BABAM2: variants seen among roughly 807,000 people sequenced by gnomAD.
BABAM2 encodes the protein BRISC and BRCA1 A complex member 2.
A neutral mutation model predicts 54.7 loss-of-function variants in BABAM2; 31 were observed. The ratio of observed to expected loss-of-function variants is 0.57; its 90% confidence interval spans 0.43 to 0.77. The LOEUF (loss-of-function observed/expected upper bound fraction) is 0.77, where lower values mean the gene tolerates loss of function less well. BABAM2 is among the 30% of genes least tolerant of loss of function. The probability of loss-of-function intolerance (pLI) is 0.00; values close to 1 mark genes in which losing one functional copy is unlikely to be tolerated. For missense variants in BABAM2, 364 were observed against 455.8 expected (o/e 0.80, Z 1.83); for synonymous variants, 167 against 162.9 (o/e 1.03, Z -0.19).
chr2:27,897,959 G>A (rs1211143774), intron 2 of BABAM2, among the ~76,000 whole-genome samples: 1 of 152,156 alleles, frequency 6.6e-6, no homozygotes, highest in Non-Finnish European at 1.5e-5. Context: ...GTAGAGTGAT[G>A]TACTTCCTTT....
intron 11 of BABAM2, among the ~76,000 whole-genome samples, chr2:28,313,166 C>T (rs1463499316): frequency 6.6e-6 from 1 of 152,166 alleles, no homozygotes; most frequent in East Asian, 1.9e-4. Context: ...TGGGGAAAAC[C>T]CAGGGTGTTT....
chr2:28,288,074 G>A (rs1424203999), intron 10 of BABAM2, among the ~76,000 whole-genome samples: 3 of 152,166 alleles, frequency 2.0e-5, no homozygotes, highest in Non-Finnish European at 4.4e-5. Flanking sequence ...CTGCTTGGGA[G>A]CACAGGTTGG....
intron 6 of BABAM2, among the ~76,000 whole-genome samples, chr2:28,120,717 A>G (rs948515362): frequency 2.6e-5 from 4 of 152,210 alleles, no homozygotes; most frequent in African/African-American, 7.2e-5. Flanking sequence ...TTCACAATCT[A>G]TTTGGAATAT....
rs963607601 is a variant in BABAM2 at position 28,277,110 on chromosome 2, T to A, written c.935-21228T>A. 2.0e-5 allele frequency among the ~76,000 whole-genome samples: 3 copies of A among 152,254 alleles called. No individual in the cohort carries two copies. The South Asian group carries it at 6.2e-4, about 32-fold the overall frequency. Reference sequence around the variant, plus strand: ...AGCCTCAGAACGTAACCTGTCCATTTATTCATTTATTTTTAGACAGAGTCT... The same window carrying A: ...AGCCTCAGAACGTAACCTGTCCATTAATTCATTTATTTTTAGACAGAGTCT... On this transcript the variant is annotated intron_variant, in intron 10 of 11. Coordinates refer to ENST00000379624, the MANE Select transcript of BABAM2 (RefSeq NM_199191.3).
chr2:28,224,258 T>C (rs924712471), intron 7 of BABAM2, among the ~76,000 whole-genome samples: 4 of 152,354 alleles, frequency 2.6e-5, no homozygotes, highest in African/African-American at 9.6e-5. Context: ...CCTGAGGACA[T>C]AGAGTGGTGA....
chr2:28,283,288 G>A (rs142512766), intron 10 of BABAM2, among the ~76,000 whole-genome samples: 225 of 152,244 alleles, frequency 1.5e-3, no homozygotes, highest in South Asian at 0.01. Context: ...TTTGTAAAAC[G>A]GAGAGTTGAT....
intron 4 of BABAM2, among the ~76,000 whole-genome samples, chr2:28,013,907 G>C (rs1674604437): frequency 6.6e-6 from 1 of 152,058 alleles, no homozygotes; most frequent in African/African-American, 2.4e-5. Context: ...GCAACTGCCA[G>C]CTCCACTCTG....
rs555533552 is a variant in BABAM2, at chr2:28,316,743, G to A, written c.1088+18252G>A. On this transcript the variant is annotated intron_variant, in intron 11 of 11. Transcript: ENST00000379624. The stretch of plus-strand genomic sequence containing the variant: ...TGAGTTGTCCCTTGTGGGGAGATGC[G>A]TGTGTGAGTGACTTGACACAGCCAC... Among the ~76,000 whole-genome samples, 150 of 152,294 alleles carry A rather than the reference G, an allele frequency of 9.8e-4. 1 individual carries two copies. The highest frequency in any genetic ancestry group is 1.7e-3 in the Non-Finnish European group (119 of 68,032).
chr2:27,911,346 A>G (rs959496463), intron 2 of BABAM2, among the ~76,000 whole-genome samples: 1 of 152,196 alleles, frequency 6.6e-6, no homozygotes, highest in Non-Finnish European at 1.5e-5. Flanking sequence ...GTTAAGAACT[A>G]TTCATAAATA....
intron 7 of BABAM2, among the ~76,000 whole-genome samples, chr2:28,185,128 G>C (rs1384532651): frequency 6.6e-6 from 1 of 152,134 alleles, no homozygotes; most frequent in Non-Finnish European, 1.5e-5. Context: ...TAGCATAAAG[G>C]CAGGTACATA....
At chr2:28,030,969 G>A (rs1676254900) in intron 5 of BABAM2, among the ~76,000 whole-genome samples, 1 of 152,124 alleles carries the variant, frequency 6.6e-6, no homozygotes, top group South Asian at 2.1e-4. Flanking sequence ...GATCCTAGAA[G>A]ACTGTTATAA....
At chr2:28,248,409 G>A (rs534929607) in intron 10 of BABAM2, among the ~76,000 whole-genome samples, 107 of 151,624 alleles carry the variant, frequency 7.1e-4, no homozygotes, top group African/African-American at 2.4e-3. Flanking sequence ...GAGTTTCTCC[G>A]TGTTGGTCAG....
At chr2:28,208,826 G>T (rs1161073291) in intron 7 of BABAM2, among the ~76,000 whole-genome samples, 1 of 152,214 alleles carries the variant, frequency 6.6e-6, no homozygotes. Flanking sequence ...GCCAGGTGGG[G>T]AGATGAAATG....
At chr2:28,100,669 C>T (rs997305998) in intron 6 of BABAM2, among the ~76,000 whole-genome samples, 1 of 152,062 alleles carries the variant, frequency 6.6e-6, no homozygotes, top group African/African-American at 2.4e-5. Context: ...ACAAGAGACA[C>T]TGGAAAGGAG....
intron 2 of BABAM2, among the ~76,000 whole-genome samples, chr2:27,914,892 A>G (rs1174401680): frequency 6.7e-6 from 1 of 148,308 alleles, no homozygotes; most frequent in Non-Finnish European, 1.5e-5. Context: ...TTATGTGTCA[A>G]AAAAGTTTGA....
intron 3 of BABAM2, among the ~76,000 whole-genome samples, chr2:27,935,512 A>G (rs1416264771): frequency 6.6e-6 from 1 of 152,236 alleles, no homozygotes; most frequent in Admixed American, 6.5e-5. Context: ...TTGAGATCGA[A>G]TCTACTTCTG....
rs1674806729 is a variant in BABAM2 at position 28,016,262 on chromosome 2, T to C, written c.301-8964T>C. On this transcript the variant is annotated intron_variant, in intron 4 of 11. Coordinates refer to ENST00000379624, the MANE Select transcript of BABAM2 (RefSeq NM_199191.3). Reference sequence around the variant, plus strand: ...ACTTAACAATTTCCCCCTGTGTTTTTCTAGTTCTTTCTTCCAGTTCTCATT... The same window carrying C: ...ACTTAACAATTTCCCCCTGTGTTTTCCTAGTTCTTTCTTCCAGTTCTCATT... 1.0e-5 allele frequency: 9 copies of C among 896,582 alleles called. No homozygotes were observed. In the East Asian group the frequency reaches 2.4e-4, roughly 24 times the overall value. The allele number at this position is 896,582 out of a possible 1,614,324, so 55.5% of individuals were successfully genotyped here.
At chr2:28,284,794 C>G (rs1686656362) in intron 10 of BABAM2, among the ~76,000 whole-genome samples, 1 of 152,082 alleles carries the variant, frequency 6.6e-6, no homozygotes, top group South Asian at 2.1e-4. Flanking sequence ...GGAAATCAGG[C>G]TAGGAAAAGA....
chr2:28,217,460 C>A (rs1558444150), intron 7 of BABAM2, among the ~76,000 whole-genome samples: 2 of 152,186 alleles, frequency 1.3e-5, no homozygotes, highest in Admixed American at 1.3e-4. Flanking sequence ...GAGAGTGATT[C>A]TTTAATTTTC....
Sources: gnomAD v4.1 joint callset for allele counts (sites outside exome capture counted in the v4.1 genomes callset) on GRCh38, gnomAD v4.1.1 for gene constraint, MANE v1.5 for transcripts, NCBI Gene and HGNC (gene_info 2026-07-23, HGNC 2026-07-21) for gene names.